The following CPNE4 variants were observed in gnomAD, a reference collection of about 807,000 sequenced individuals.
CPNE4 encodes copine 4.
Under a neutral mutation model 67.9 loss-of-function variants are expected in CPNE4, and 25 were observed. The observed-to-expected ratio is 0.37, with a 90% CI of 0.27 to 0.51. CPNE4 has a LOEUF of 0.51. Among genes scored for constraint, CPNE4 ranks in the 20% least tolerant of loss-of-function variants. The pLI is 0.93. For missense variants in CPNE4, 464 were observed against 690.8 expected, an observed-to-expected ratio of 0.67 and a Z score of 3.68; for synonymous variants, 242 against 244.9, an observed-to-expected ratio of 0.99 and a Z score of 0.11.
chr3:131,649,299 T>G (rs1216456740), intron 7 of CPNE4, among the ~76,000 whole-genome samples: 1 of 152,176 alleles, frequency 6.6e-6, no homozygotes, highest in Non-Finnish European at 1.5e-5. Flanking sequence ...TAAGTAACAA[T>G]GGAACACAGA....
At chr3:131,754,899 A>G (rs1412165675) in intron 2 of CPNE4, among the ~76,000 whole-genome samples, 2 of 152,142 alleles carry the variant, frequency 1.3e-5, no homozygotes, top group African/African-American at 4.8e-5. Context: ...TTTCAATGTT[A>G]AGTTACTCTA....
Position 131,992,182 on chromosome 3 carries a change from T to C in CPNE4, c.-2+42385A>G, listed in dbSNP as rs551206797. Reference sequence around the variant, plus strand: ...GGCCACCATCATCAGGACTCCAGAATTGTAGATCAACTGACAGCTTTTACC... The same window carrying C: ...GGCCACCATCATCAGGACTCCAGAACTGTAGATCAACTGACAGCTTTTACC... On this transcript the variant is annotated intron_variant, in intron 1 of 15. Transcript: ENST00000429747. 1.8e-4 allele frequency among the ~76,000 whole-genome samples: 24 copies of C among 135,874 alleles called. 1 individual carries two copies. Among genetic ancestry groups the C allele is most frequent in the Middle Eastern group, 3.8e-3 (1 of 266 alleles). The allele number at this position is 135,874 out of a possible 152,430, so 89.1% of individuals were successfully genotyped here.
rs180681835 is a variant in CPNE4 at position 131,881,352 on chromosome 3, T to A, written c.180+23912A>T. Reference sequence around the variant, plus strand: ...GTCCTGGCCTCTCAACAACTTCTAATCCAGAATAAAGCTGTCCTTTGTTAA... The same window carrying A: ...GTCCTGGCCTCTCAACAACTTCTAAACCAGAATAAAGCTGTCCTTTGTTAA... On this transcript the variant is annotated intron_variant, in intron 2 of 15. Transcript: ENST00000429747. 1.1e-3 allele frequency among the ~76,000 whole-genome samples: 168 copies of A among 152,326 alleles called. 3 individuals are homozygous for A. Among genetic ancestry groups the A allele is most frequent in the Middle Eastern group, 3.4e-3 (1 of 294 alleles).
At chr3:131,560,348 A>G (rs1293326739) in intron 11 of CPNE4, among the ~76,000 whole-genome samples, 1 of 152,034 alleles carries the variant, frequency 6.6e-6, no homozygotes, top group African/African-American at 2.4e-5. Context: ...TGCTCTCTCT[A>G]TCATCCCTGT....
At chr3:131,562,994 A>G (rs1582803027) in intron 11 of CPNE4, among the ~76,000 whole-genome samples, 1 of 152,160 alleles carries the variant, frequency 6.6e-6, no homozygotes, top group East Asian at 1.9e-4. Flanking sequence ...CTGGCTTTGT[A>G]CTACATTTGA....
chr3:132,005,503 A>G (rs1214634172), intron 1 of CPNE4, among the ~76,000 whole-genome samples: 1 of 151,824 alleles, frequency 6.6e-6, no homozygotes, highest in African/African-American at 2.4e-5. Flanking sequence ...ATTGGTCAAC[A>G]TGTGTGAAGG....
intron 1 of CPNE4, among the ~76,000 whole-genome samples, chr3:131,952,006 G>A (rs1475431751): frequency 2.6e-5 from 4 of 151,554 alleles, no homozygotes; most frequent in Non-Finnish European, 4.4e-5. Flanking sequence ...AGTGAGGAGC[G>A]TCTCTGCCTG....
At chr3:131,735,678 G>T (rs2082217730) in intron 2 of CPNE4, among the ~76,000 whole-genome samples, 1 of 152,198 alleles carries the variant, frequency 6.6e-6, no homozygotes. Flanking sequence ...TCTATTACAT[G>T]TTTTAGAGGC....
intron 1 of CPNE4, among the ~76,000 whole-genome samples, chr3:131,977,155 A>G (rs1221698328): frequency 6.6e-6 from 1 of 152,096 alleles, no homozygotes; most frequent in Non-Finnish European, 1.5e-5. Context: ...TCTTTTTCCT[A>G]AGAGTCTTTG....
chr3:131,601,513 A>T (rs545575844), intron 7 of CPNE4, among the ~76,000 whole-genome samples: 1 of 152,228 alleles, frequency 6.6e-6, no homozygotes, highest in South Asian at 2.1e-4. Flanking sequence ...AGCAAATAAA[A>T]ACCTGGTAGT....
At chr3:132,005,453 A>C (rs1411431920) in intron 1 of CPNE4, among the ~76,000 whole-genome samples, 1 of 151,044 alleles carries the variant, frequency 6.6e-6, no homozygotes, top group Non-Finnish European at 1.5e-5. Flanking sequence ...CAATCTACTA[A>C]CACATCCTTT....
At chr3:131,657,590 A>G (rs1019651921) in intron 7 of CPNE4, among the ~76,000 whole-genome samples, 1 of 140,926 alleles carries the variant, frequency 7.1e-6, no homozygotes, top group African/African-American at 2.7e-5. Flanking sequence ...GCTGGAGAGC[A>G]GTGGTGTGAT....
chr3:131,865,831 G>A (rs1487405125), intron 2 of CPNE4, among the ~76,000 whole-genome samples: 1 of 152,196 alleles, frequency 6.6e-6, no homozygotes, highest in Admixed American at 6.5e-5. Context: ...AGTACCTGTG[G>A]ATGGGAAGAA....
chr3:131,842,385 A>G (rs1428897804), intron 2 of CPNE4, among the ~76,000 whole-genome samples: 1 of 152,194 alleles, frequency 6.6e-6, no homozygotes, highest in Non-Finnish European at 1.5e-5. Context: ...GGATATAGAC[A>G]TCTACTTCAG....
intron 2 of CPNE4, among the ~76,000 whole-genome samples, chr3:131,827,559 A>G (rs2085211598): frequency 6.6e-6 from 1 of 152,084 alleles, no homozygotes; most frequent in African/African-American, 2.4e-5. Flanking sequence ...AATGCAAAAA[A>G]CCTGCAAAAT....
At chr3:131,831,654 C>T (rs1456922803) in intron 2 of CPNE4, among the ~76,000 whole-genome samples, 1 of 152,070 alleles carries the variant, frequency 6.6e-6, no homozygotes, top group Non-Finnish European at 1.5e-5. Context: ...CTAAAATTTT[C>T]TTTTATACAT....
chr3:131,806,689 T>C lies in CPNE4; in HGVS notation c.181-83064A>G, dbSNP rs80048796. 8.4e-3 allele frequency among the ~76,000 whole-genome samples: 1,273 copies of C among 151,934 alleles called. 17 individuals are homozygous for C. The highest frequency in any genetic ancestry group is 0.028 in the African/African-American group (1,178 of 41,420). Reference sequence around the variant, plus strand: ...GAAAATTTTATTTAAAAATATCTCTTAGGCACTTTTAGAAGCCACAAACTA... The same window carrying C: ...GAAAATTTTATTTAAAAATATCTCTCAGGCACTTTTAGAAGCCACAAACTA... On this transcript the variant is annotated intron_variant, in intron 2 of 15. Coordinates refer to ENST00000429747, the MANE Select transcript of CPNE4 (RefSeq NM_130808.3).
chr3:131,700,235 G>A (rs1470192777), intron 3 of CPNE4, among the ~76,000 whole-genome samples: 1 of 151,678 alleles, frequency 6.6e-6, no homozygotes, highest in Admixed American at 6.6e-5. Flanking sequence ...CAATTGGGAG[G>A]TGGCTTAATT....
chr3:131,836,526 C>G (rs2085562408), intron 2 of CPNE4, among the ~76,000 whole-genome samples: 1 of 152,166 alleles, frequency 6.6e-6, no homozygotes, highest in Non-Finnish European at 1.5e-5. Context: ...AGACTGAATT[C>G]TTTCTCCCAA....
Sources: gnomAD v4.1 joint callset for allele counts (sites outside exome capture counted in the v4.1 genomes callset) on GRCh38, gnomAD v4.1.1 for gene constraint, MANE v1.5 for transcripts, NCBI Gene and HGNC (gene_info 2026-07-23, HGNC 2026-07-21) for gene names.